PIK3CD: variants seen among roughly 807,000 people sequenced by gnomAD.
The protein encoded by PIK3CD is phosphatidylinositol 4,5-bisphosphate 3-kinase catalytic subunit delta isoform.
Under a neutral mutation model 122.9 loss-of-function variants are expected in PIK3CD, and 20 were observed. The observed-to-expected ratio is 0.16, with a 90% CI of 0.11 to 0.24. The LOEUF (loss-of-function observed/expected upper bound fraction) is 0.24. Ranked by LOEUF, PIK3CD falls within the 10% of genes least tolerant of loss-of-function variation. The pLI is 1.00. For missense variants in PIK3CD, 787 were observed against 1,406.3 expected (o/e 0.56, Z 7.04); for synonymous variants, 596 against 593.4 (o/e 1.00, Z -0.06).
Position 9,723,379 on chromosome 1 carries a change from G to A in PIK3CD, c.2594+87G>A. On this transcript the variant is annotated intron_variant, in intron 20 of 23. Coordinates refer to ENST00000377346, the MANE Select transcript of PIK3CD (RefSeq NM_005026.5). The surrounding 1 kb of genome is among the most constrained non-coding windows in gnomAD (Gnocchi z 4.9). ...CTCGCCTGTCAGAACAAAGGAGCGG[G>A]GAGGGGCCTCAGACCATCTTTGTGG... is the stretch of plus-strand genomic sequence containing the variant. The A allele has an allele frequency of 1.4e-6, 2 of 1,402,908 alleles. No homozygotes were observed. Among genetic ancestry groups the A allele is most frequent in the Non-Finnish European group, 2.0e-6 (2 of 990,118 alleles). 86.9% of individuals were successfully genotyped at this position (1,402,908 alleles called of 1,614,324 possible).
chr1:9,652,152 G>C lies in PIK3CD; in HGVS notation c.-138+350G>C, dbSNP rs1644693230. Among the ~76,000 whole-genome samples the C allele has an allele frequency of 6.6e-6, 1 of 152,142 alleles. No homozygotes were observed. On this transcript the variant is annotated intron_variant, in intron 1 of 23. Coordinates refer to ENST00000377346, the MANE Select transcript of PIK3CD (RefSeq NM_005026.5). This position sits in a 1 kb window ranked among gnomAD's most constrained non-coding sequence, Gnocchi z 6.2. ...CAGCTGCGCTCACAGCGGCGGTGCG[G>C]CCTCCGGTGCGCCGGCTGAGGCGCG...
the PIK3CD span, among the ~76,000 whole-genome samples, chr1:9,638,060 C>T: frequency 6.6e-6 from 1 of 151,710 alleles, no homozygotes; most frequent in African/African-American, 2.4e-5. Flanking sequence ...TGAGTTGAGA[C>T]TGCGCCATTG....
the PIK3CD span, among the ~76,000 whole-genome samples, chr1:9,631,048 G>A: frequency 2.0e-5 from 3 of 152,124 alleles, no homozygotes; most frequent in African/African-American, 4.8e-5. Context: ...AGCAGGAAAG[G>A]GGACTGACTT....
At chr1:9,660,072 C>T (rs60140758) in intron 1 of PIK3CD, among the ~76,000 whole-genome samples, 2,494 of 152,340 alleles carry the variant, frequency 0.016, 72 homozygotes, top group African/African-American at 0.057. Flanking sequence ...TGTGCCACCA[C>T]GCCCAGCTAG....
chr1:9,674,890 A>G (rs565144488), intron 1 of PIK3CD, among the ~76,000 whole-genome samples: 2 of 150,900 alleles, frequency 1.3e-5, no homozygotes, highest in African/African-American at 4.8e-5. Context: ...AAAATTAGCC[A>G]GGTATGATGA....
chr1:9,690,592 C>G (rs750659652), intron 1 of PIK3CD, among the ~76,000 whole-genome samples: 3 of 152,128 alleles, frequency 2.0e-5, no homozygotes, highest in African/African-American at 7.2e-5. Flanking sequence ...AGGGAGCATC[C>G]GAGCCCGCAT....
intron 1 of PIK3CD, among the ~76,000 whole-genome samples, chr1:9,661,771 C>T (rs1008140079): frequency 6.6e-5 from 10 of 152,032 alleles, no homozygotes; most frequent in South Asian, 4.1e-4. Context: ...CCGAGGCGGA[C>T]GGATCACGAG....
the PIK3CD span, among the ~76,000 whole-genome samples, chr1:9,633,153 G>A: frequency 6.6e-6 from 1 of 152,064 alleles, no homozygotes; most frequent in Admixed American, 6.6e-5. Context: ...GAGCCACCGT[G>A]CCTGATCAGC....
chr1:9,659,786 G>C (rs1644959456), intron 1 of PIK3CD, among the ~76,000 whole-genome samples: 1 of 152,058 alleles, frequency 6.6e-6, no homozygotes, highest in African/African-American at 2.4e-5. Context: ...GTCTTGCTCT[G>C]TCACCCAGGC....
At position 9,722,299 on chromosome 1, in the gene PIK3CD, A is replaced by G; in HGVS notation, c.2290A>G (p.Ser764Gly). ...GATGAAGCCCCTGTGGATCATGTAC[A>G]GCAACGAGGAGGCAGGCAGCGGCGG... ...SKMKPLWIMYSNEEAGSGGSV... is the reference protein window; with the variant it reads ...SKMKPLWIMYGNEEAGSGGSV... The change falls in exon 18 of 24, where the codon AGC becomes GGC. Residue 764 changes from serine (S) to glycine (G), a missense_variant. Coordinates refer to ENST00000377346, the MANE Select transcript of PIK3CD (RefSeq NM_005026.5). The surrounding 1 kb of genome is among the most constrained non-coding windows in gnomAD (Gnocchi z 7.6). The G allele has an allele frequency of 6.2e-7, 1 of 1,613,698 alleles. No individual in the cohort carries two copies. The highest frequency in any genetic ancestry group is 8.5e-7 in the Non-Finnish European group (1 of 1,179,910).
At chr1:9,653,469 G>C (rs766057718) in intron 1 of PIK3CD, 9 of 249,818 alleles carry the variant, frequency 3.6e-5, no homozygotes, top group Non-Finnish European at 7.1e-5. Flanking sequence ...ACGCCAGCGC[G>C]TTTAATCATC....
chr1:9,717,199 C>T lies in PIK3CD; in HGVS notation c.930+91C>T. On this transcript the variant is annotated intron_variant, in intron 7 of 23. Coordinates refer to ENST00000377346, the MANE Select transcript of PIK3CD (RefSeq NM_005026.5). The surrounding 1 kb of genome is among the most constrained non-coding windows in gnomAD (Gnocchi z 5.4). Reference sequence around the variant, plus strand: ...GTGCTACTGGCCATGGGTCCAGGGGCCCTTGGTATGGAGAGCTGGGGCTTT... The same window carrying T: ...GTGCTACTGGCCATGGGTCCAGGGGTCCTTGGTATGGAGAGCTGGGGCTTT... 3 of 1,492,590 alleles carry T rather than the reference C, an allele frequency of 2.0e-6. No homozygotes were observed. The highest frequency in any genetic ancestry group is 2.3e-5 in the East Asian group (1 of 43,936). 92.5% of individuals were successfully genotyped at this position (1,492,590 alleles called of 1,614,324 possible).
intron 1 of PIK3CD, among the ~76,000 whole-genome samples, chr1:9,658,194 G>A (rs1644912160): frequency 6.6e-6 from 1 of 151,944 alleles, no homozygotes; most frequent in Non-Finnish European, 1.5e-5. Context: ...ACCAGCCTGG[G>A]CAACATAGTA....
intron 5 of PIK3CD, 67 bp from the exon 6 acceptor site, chr1:9,716,373 C>A: frequency 6.6e-7 from 1 of 1,507,434 alleles, no homozygotes. Flanking sequence ...AATAGGCAAC[C>A]CTGCCCTGTG....
In PIK3CD at chr1:9,719,336, G is replaced by A. The variant is rs1245128422; in HGVS notation, c.1242+421G>A. 1.3e-5 allele frequency among the ~76,000 whole-genome samples: 2 copies of A among 152,190 alleles called. No homozygotes were observed. The highest frequency in any genetic ancestry group is 2.9e-5 in the Non-Finnish European group (2 of 68,036). On this transcript the variant is annotated intron_variant, in intron 9 of 23. Transcript: ENST00000377346. This position sits in a 1 kb window ranked among gnomAD's most constrained non-coding sequence, Gnocchi z 5.5. ...TCCGAGCTGAGCTGGGCTGGCCTCT[G>A]GGGCTGGGCTGTCTGTTTGGGGATT...
At chr1:9,666,824 C>T (rs1190650939) in intron 1 of PIK3CD, among the ~76,000 whole-genome samples, 2 of 151,610 alleles carry the variant, frequency 1.3e-5, no homozygotes, top group African/African-American at 2.4e-5. Context: ...GCCTCAGCCT[C>T]CCCAGTAGCT....
chr1:9,666,860 C>G (rs1645175765), intron 1 of PIK3CD, among the ~76,000 whole-genome samples: 1 of 150,094 alleles, frequency 6.7e-6, no homozygotes, highest in South Asian at 2.1e-4. Context: ...CGCCACCATG[C>G]CTGCTATTTT....
At chr1:9,633,405 T>C in the PIK3CD span, among the ~76,000 whole-genome samples, 2 of 152,122 alleles carry the variant, frequency 1.3e-5, no homozygotes, top group Non-Finnish European at 2.9e-5. Flanking sequence ...CTTCCTGGGT[T>C]CAAGTGATTC....
At chr1:9,647,617 C>T (rs1644620910), upstream of PIK3CD, among the ~76,000 whole-genome samples, 1 of 151,688 alleles carries the variant, frequency 6.6e-6, no homozygotes, top group Non-Finnish European at 1.5e-5. Flanking sequence ...GATCCTCCTT[C>T]TACCTCAGCC....
Sources: allele counts gnomAD v4.1 joint callset (sites outside exome capture counted in the v4.1 genomes callset), GRCh38; gene constraint gnomAD v4.1.1; non-coding constraint Gnocchi (gnomAD v3.1); transcripts MANE v1.5; gene names NCBI Gene and HGNC (gene_info 2026-07-23, HGNC 2026-07-21).